The following MAP2K6 variants were observed in gnomAD, a reference collection of about 807,000 sequenced individuals.
MAP2K6 encodes mitogen-activated protein kinase kinase 6.
A neutral mutation model predicts 53.7 loss-of-function variants in MAP2K6; 16 were observed. The observed-to-expected ratio is 0.30, with a 90% CI of 0.20 to 0.45. MAP2K6 has a LOEUF of 0.45. Ranked by LOEUF, MAP2K6 falls within the 20% of genes least tolerant of loss-of-function variation. MAP2K6 has a pLI of 1.00. For missense variants in MAP2K6, 204 were observed against 411.9 expected (o/e 0.50, Z 4.37); for synonymous variants, 132 against 143.1 (o/e 0.92, Z 0.55).
At chr17:69,423,314 A>G (rs1906157206) in intron 1 of MAP2K6, among the ~76,000 whole-genome samples, 1 of 152,192 alleles carries the variant, frequency 6.6e-6, no homozygotes, top group Non-Finnish European at 1.5e-5. Flanking sequence ...AGCATCGACA[A>G]ACAAAGTTTT....
At position 69,517,484 on chromosome 17, in the gene MAP2K6, C is replaced by A. The variant is rs1344427390; in HGVS notation, c.133-16C>A. ...TTTTCTCTTTCCCATTGCATTATTC[C>A]TTTTCTCTCTTGCAGAACTTTGAGG... On this transcript the variant is annotated splice_polypyrimidine_tract_variant and intron_variant, in intron 3 of 11. Transcript: ENST00000590474. 6.7e-7 allele frequency: 1 copy of A among 1,489,228 alleles called. No homozygotes were observed. Among genetic ancestry groups the A allele is most frequent in the Non-Finnish European group, 9.2e-7 (1 of 1,083,600 alleles). 92.3% of individuals were successfully genotyped at this position (1,489,228 alleles called of 1,614,324 possible). A position where few individuals can be genotyped will look rare whatever the true frequency, so the allele number is the denominator to read the frequency against.
At chr17:69,461,671 C>G (rs1261814583) in intron 1 of MAP2K6, among the ~76,000 whole-genome samples, 4 of 152,138 alleles carry the variant, frequency 2.6e-5, no homozygotes, top group Non-Finnish European at 5.9e-5. Context: ...CCCCAGGGAG[C>G]TGCGATTTAG....
Position 69,552,569 on chromosome 17 carries a change from C to G in MAP2K6, c.*10816C>G, listed in dbSNP as rs577106104. 6.6e-6 allele frequency: 1 copy of G among 152,226 alleles called. No homozygotes were observed. The highest frequency in any genetic ancestry group is 1.5e-5 in the Non-Finnish European group (1 of 68,008). The allele number at this position is 152,226 out of a possible 1,614,324, so 9.4% of individuals were successfully genotyped here. A position where few individuals can be genotyped will look rare whatever the true frequency, so the allele number is the denominator to read the frequency against. On this transcript the variant is annotated 3_prime_UTR_variant, in exon 12 of 12. Coordinates refer to ENST00000590474, the MANE Select transcript of MAP2K6 (RefSeq NM_002758.4). ...TGTAAAGCATGTGGGTGGAATGTTTCCATGCTCTTGAGGTGAATATTAAAT... is the reference window on the plus strand; with the variant it reads ...TGTAAAGCATGTGGGTGGAATGTTTGCATGCTCTTGAGGTGAATATTAAAT...
chr17:69,446,089 T>C (rs1015925815), intron 1 of MAP2K6, among the ~76,000 whole-genome samples: 3 of 152,112 alleles, frequency 2.0e-5, no homozygotes, highest in African/African-American at 4.8e-5. Flanking sequence ...GCAATAAAGG[T>C]ATTTTGGGTA....
intron 1 of MAP2K6, among the ~76,000 whole-genome samples, chr17:69,493,892 C>T (rs777520746): frequency 2.0e-5 from 3 of 152,100 alleles, no homozygotes; most frequent in Non-Finnish European, 4.4e-5. Flanking sequence ...TGTTAATTTG[C>T]TGAGGGATTA....
At chr17:69,523,989 C>G (rs530274171) in intron 8 of MAP2K6, among the ~76,000 whole-genome samples, 3 of 152,126 alleles carry the variant, frequency 2.0e-5, no homozygotes. Context: ...ATACATAGCA[C>G]CTTCCTGCTT....
chr17:69,497,784 C>A (rs1425720114), intron 1 of MAP2K6, among the ~76,000 whole-genome samples: 4 of 152,120 alleles, frequency 2.6e-5, no homozygotes, highest in African/African-American at 9.7e-5. Flanking sequence ...CCCTTATTGT[C>A]TCTCCAAGTC....
chr17:69,538,813 G>GC (rs1195440280), intron 11 of MAP2K6, among the ~76,000 whole-genome samples: 1 of 152,126 alleles, frequency 6.6e-6, no homozygotes, highest in Non-Finnish European at 1.5e-5. Flanking sequence ...GTAGGTAGCA[G>GC]CCAACGATTT....
At chr17:69,531,793 C>G (rs922599632) in intron 10 of MAP2K6, among the ~76,000 whole-genome samples, 1 of 152,128 alleles carries the variant, frequency 6.6e-6, no homozygotes, top group Middle Eastern at 3.4e-3. Context: ...TCTTTCTTAT[C>G]GTAGGGGTTT....
intron 11 of MAP2K6, among the ~76,000 whole-genome samples, chr17:69,538,380 A>T (rs1911455910): frequency 6.6e-6 from 1 of 152,214 alleles, no homozygotes; most frequent in Admixed American, 6.5e-5. Context: ...CTACATATAT[A>T]TCAATGTTAT....
chr17:69,489,220 CAA>C lies in MAP2K6; in HGVS notation c.17-16542_17-16541del, dbSNP rs58968517. Among the ~76,000 whole-genome samples the C allele has an allele frequency of 6.3e-3, 393 of 62,592 alleles. 1 individual carries two copies. The highest frequency in any genetic ancestry group is 0.022 in the African/African-American group (348 of 15,728). The allele number at this position is 62,592 out of a possible 152,430, so 41.1% of individuals were successfully genotyped here. A position where few individuals can be genotyped will look rare whatever the true frequency, so the allele number is the denominator to read the frequency against. ...GGGCAACAAGAGTGAAACTCTGTCT[CAA>C]AAAAAAAAAAAAAAAAAGGAAAAAA... On this transcript the variant is annotated intron_variant, in intron 1 of 11. Transcript: ENST00000590474.
At chr17:69,451,041 T>C (rs1274220954) in intron 1 of MAP2K6, among the ~76,000 whole-genome samples, 1 of 152,126 alleles carries the variant, frequency 6.6e-6, no homozygotes, top group Non-Finnish European at 1.5e-5. Flanking sequence ...AAACATACTC[T>C]AGACAGAGAA....
Position 69,536,167 on chromosome 17 carries a change from A to G in MAP2K6, c.927+7A>G, listed in dbSNP as rs749855198. 13 of 1,609,380 alleles carry G rather than the reference A, an allele frequency of 8.1e-6. No individual in the cohort carries two copies. The highest frequency in any genetic ancestry group is 1.0e-5 in the Non-Finnish European group (12 of 1,177,138). ...TACATACCCAGAGCTAATGGTGAGT[A>G]TTGTTAGCAACGTAAACATGACTAT... is the stretch of plus-strand genomic sequence containing the variant. On this transcript the variant is annotated splice_region_variant and intron_variant, in intron 11 of 11. Transcript: ENST00000590474.
At chr17:69,523,784 A>C (rs1306026285) in intron 8 of MAP2K6, 143 bp downstream of exon 8, 1 of 1,071,300 alleles carries the variant, frequency 9.3e-7, no homozygotes, top group Non-Finnish European at 1.3e-6. Context: ...TTTCTTCAAA[A>C]TTTTATGTCT....
At chr17:69,519,214 C>T (rs1598305489) in intron 4 of MAP2K6, 99 bp from the exon 5 acceptor site, 7 of 1,378,054 alleles carry the variant, frequency 5.1e-6, no homozygotes, top group African/African-American at 2.9e-5. Flanking sequence ...ATCGCCAGAA[C>T]TTGTGTCATG....
chr17:69,449,770 C>T (rs1234962052), intron 1 of MAP2K6, among the ~76,000 whole-genome samples: 4 of 150,038 alleles, frequency 2.7e-5, no homozygotes, highest in Non-Finnish European at 4.4e-5. Flanking sequence ...CCCGCCACCT[C>T]GCCCGGCTAA....
chr17:69,539,896 G>A (rs189551343), intron 11 of MAP2K6, among the ~76,000 whole-genome samples: 10 of 152,328 alleles, frequency 6.6e-5, no homozygotes, highest in Non-Finnish European at 2.9e-5. Flanking sequence ...CTAATCAGAA[G>A]TATGGCTGCT....
intron 6 of MAP2K6, chr17:69,520,618 C>T (rs1910415529): frequency 2.0e-6 from 1 of 492,534 alleles, no homozygotes; most frequent in African/African-American, 2.0e-5. Context: ...CTAAGTGCTG[C>T]ATTCATCAGC....
chr17:69,453,057 A>T (rs1907282046), intron 1 of MAP2K6, among the ~76,000 whole-genome samples: 1 of 152,176 alleles, frequency 6.6e-6, no homozygotes, highest in African/African-American at 2.4e-5. Flanking sequence ...GGACGAAGTG[A>T]CTCATGGAGA....
Sources: gnomAD v4.1 joint callset for allele counts (sites outside exome capture counted in the v4.1 genomes callset) on GRCh38, gnomAD v4.1.1 for gene constraint, MANE v1.5 for transcripts, NCBI Gene and HGNC (gene_info 2026-07-23, HGNC 2026-07-21) for gene names.